Variants in PPP1R9A observed in about 807,000 individuals in gnomAD.
The protein encoded by PPP1R9A is neurabin-1.
A neutral mutation model predicts 141.9 loss-of-function variants in PPP1R9A; 59 were observed. The ratio of observed to expected loss-of-function variants is 0.42; its 90% CI spans 0.34 to 0.52. The LOEUF is 0.52. PPP1R9A is among the 20% of genes least tolerant of loss of function. The probability of loss-of-function intolerance (pLI) is 0.10; values close to 1 mark genes in which losing one functional copy is unlikely to be tolerated. For missense variants in PPP1R9A, 1,444 were observed against 1,611.9 expected (o/e 0.90, Z 1.78); for synonymous variants, 500 against 569.7 (o/e 0.88, Z 1.74).
intron 2 of PPP1R9A, among the ~76,000 whole-genome samples, chr7:95,098,717 C>A (rs1269791505): frequency 6.6e-6 from 1 of 152,114 alleles, no homozygotes; most frequent in African/African-American, 2.4e-5. Context: ...AAGTTCCTTT[C>A]AAGGCTGTTT....
chr7:95,287,858 T>G (rs535153927), intron 18 of PPP1R9A, among the ~76,000 whole-genome samples: 1 of 152,248 alleles, frequency 6.6e-6, no homozygotes, highest in East Asian at 1.9e-4. Context: ...TGGCTAATTT[T>G]TGTATTTTTA....
chr7:94,973,675 GA>G (rs907417974), intron 2 of PPP1R9A, among the ~76,000 whole-genome samples: 1 of 151,458 alleles, frequency 6.6e-6, no homozygotes, highest in African/African-American at 2.4e-5. Flanking sequence ...ATAGAACAGA[GA>G]AAACAAAAGT....
At chr7:95,169,202 T>G (rs921878894) in intron 5 of PPP1R9A, among the ~76,000 whole-genome samples, 2 of 151,892 alleles carry the variant, frequency 1.3e-5, no homozygotes, top group African/African-American at 4.8e-5. Flanking sequence ...AATACTATTT[T>G]GCCATAAAAA....
intron 2 of PPP1R9A, among the ~76,000 whole-genome samples, chr7:94,971,583 T>C (rs1798866253): frequency 6.6e-6 from 1 of 152,212 alleles, no homozygotes; most frequent in African/African-American, 2.4e-5. Flanking sequence ...ATTCTTTTTG[T>C]TGCTAGCAGG....
chr7:94,911,351 A>G lies in PPP1R9A; in HGVS notation c.1238A>G (p.Asp413Gly), dbSNP rs749834708. Residue 413 changes from aspartate (D) to glycine (G), a missense_variant, in exon 2 of 20, where the codon GAC (aspartate) becomes GGC (glycine). Asp to Gly is a moderately conservative substitution (Grantham distance 94). This residue lies in a region of PPP1R9A where 490 missense variants were observed against 521.1 expected (regional missense o/e 0.94). Coordinates refer to ENST00000433360, the MANE Select transcript of PPP1R9A (RefSeq NM_001166160.2). ...AGGGTGAGATCCAGGTATAATTCAGACTGGGGAGAGACAGGCACTGAGCAG... is the reference window on the plus strand; with the variant it reads ...AGGGTGAGATCCAGGTATAATTCAGGCTGGGGAGAGACAGGCACTGAGCAG... ...VYRVRSRYNS[D>G]WGETGTEQDE... 3.7e-6 allele frequency: 6 copies of G among 1,613,984 alleles called. No individual in the cohort carries two copies. In the African/African-American group the frequency reaches 8.0e-5, roughly 22 times the overall value.
At chr7:95,022,284 A>G (rs1243802341) in intron 2 of PPP1R9A, among the ~76,000 whole-genome samples, 1 of 151,980 alleles carries the variant, frequency 6.6e-6, no homozygotes, top group Non-Finnish European at 1.5e-5. Flanking sequence ...TCTATTATTG[A>G]TGTATAGGAA....
chr7:94,941,360 A>G (rs1795318449), intron 2 of PPP1R9A, among the ~76,000 whole-genome samples: 1 of 152,174 alleles, frequency 6.6e-6, no homozygotes, highest in Non-Finnish European at 1.5e-5. Flanking sequence ...TTGTATCTTT[A>G]CATGCATCTT....
chr7:95,093,380 A>G (rs1047426251), intron 2 of PPP1R9A, among the ~76,000 whole-genome samples: 2 of 152,216 alleles, frequency 1.3e-5, no homozygotes, highest in African/African-American at 4.8e-5. Flanking sequence ...CAATTGAAAT[A>G]CTTGTAAGCA....
chr7:95,290,368 C>G lies in PPP1R9A; in HGVS notation c.*65C>G. The G allele has an allele frequency of 1.3e-6, 2 of 1,492,122 alleles. No individual in the cohort carries two copies. The highest frequency in any genetic ancestry group is 1.3e-5 in the South Asian group (1 of 79,532). The allele number at this position is 1,492,122 out of a possible 1,614,324, so 92.4% of individuals were successfully genotyped here. A position where few individuals can be genotyped will look rare whatever the true frequency, so the allele number is the denominator to read the frequency against. On this transcript the variant is annotated 3_prime_UTR_variant, in exon 20 of 20. Coordinates refer to ENST00000433360, the MANE Select transcript of PPP1R9A (RefSeq NM_001166160.2). ...AGTCCCCACCTCTTCCTGCCCTGCT[C>G]TCCTCCAGAGGATGAAAAAGAAACT...
intron 5 of PPP1R9A, among the ~76,000 whole-genome samples, chr7:95,195,133 C>T (rs577123914): frequency 6.6e-6 from 1 of 152,172 alleles, no homozygotes; most frequent in Non-Finnish European, 1.5e-5. Context: ...CCACCCTTAC[C>T]ACACATCATA....
At chr7:95,151,557 A>G (rs1375087693) in intron 4 of PPP1R9A, among the ~76,000 whole-genome samples, 3 of 152,196 alleles carry the variant, frequency 2.0e-5, no homozygotes, top group Non-Finnish European at 2.9e-5. Flanking sequence ...CATGTCATCC[A>G]TCATACATTT....
intron 4 of PPP1R9A, among the ~76,000 whole-genome samples, chr7:95,139,438 A>T (rs759701934): frequency 2.6e-5 from 4 of 152,160 alleles, no homozygotes; most frequent in Non-Finnish European, 4.4e-5. Context: ...TAGGGTGGGG[A>T]CACAAAGCCA....
chr7:95,031,303 A>G (rs1271439309), intron 2 of PPP1R9A, among the ~76,000 whole-genome samples: 1 of 152,186 alleles, frequency 6.6e-6, no homozygotes, highest in East Asian at 1.9e-4. Flanking sequence ...CATTTTTAGG[A>G]AGGTATACAG....
In PPP1R9A at chr7:94,910,275, C is replaced by T. The variant is rs1417428472; in HGVS notation, c.162C>T (p.Ser54=). The stretch of plus-strand genomic sequence containing the variant: ...AAGAAGGTGAGGGCTCCCAGCAGAG[C>T]AGGGGGAGGAAATATGGCTCCAATG... ...KTKEGEGSQQ[S]RGRKYGSNVN... The change falls in exon 2 of 20, where the codon AGC becomes AGT. Residue 54 remains serine (S), a synonymous_variant. Coordinates refer to ENST00000433360, the MANE Select transcript of PPP1R9A (RefSeq NM_001166160.2). This position sits in a 1 kb window ranked among gnomAD's most constrained non-coding sequence, Gnocchi z 4.5. 6.2e-7 allele frequency: 1 copy of T among 1,613,992 alleles called. No homozygotes were observed. Among genetic ancestry groups the T allele is most frequent in the East Asian group, 2.2e-5 (1 of 44,870 alleles).
Position 95,293,224 on chromosome 7 carries a change from TA to T in PPP1R9A, c.*2923del, listed in dbSNP as rs1215479876. 1 of 152,190 alleles carries T rather than the reference TA, an allele frequency of 6.6e-6. No homozygotes were observed. Among genetic ancestry groups the T allele is most frequent in the African/African-American group, 2.4e-5 (1 of 41,450 alleles). 9.4% of individuals were successfully genotyped at this position (152,190 alleles called of 1,614,324 possible). A position where few individuals can be genotyped will look rare whatever the true frequency, so the allele number is the denominator to read the frequency against. ...TTCCCATTAAAGGATGTTAGTTTTA[TA>T]ACAGATTACTTTGTTTAAGACCATC... On this transcript the variant is annotated 3_prime_UTR_variant, in exon 20 of 20. Coordinates refer to ENST00000433360, the MANE Select transcript of PPP1R9A (RefSeq NM_001166160.2).
At chr7:94,984,716 C>T (rs1264368502) in intron 2 of PPP1R9A, among the ~76,000 whole-genome samples, 1 of 151,824 alleles carries the variant, frequency 6.6e-6, no homozygotes, top group Non-Finnish European at 1.5e-5. Context: ...TTTGATTCTT[C>T]TCTCTTTCCT....
intron 2 of PPP1R9A, among the ~76,000 whole-genome samples, chr7:94,983,073 G>A (rs189591901): frequency 6.6e-6 from 1 of 152,104 alleles, no homozygotes; most frequent in East Asian, 1.9e-4. Context: ...TATTAAATAG[G>A]GAATTCCTAT....
At chr7:95,086,334 G>T (rs536531097) in intron 2 of PPP1R9A, among the ~76,000 whole-genome samples, 1 of 152,064 alleles carries the variant, frequency 6.6e-6, no homozygotes, top group Admixed American at 6.5e-5. Flanking sequence ...TCAAAACAGG[G>T]TGATTGTGTC....
Position 94,922,588 on chromosome 7 carries a change from G to A in PPP1R9A, c.1395+11080G>A, listed in dbSNP as rs543799140. On this transcript the variant is annotated intron_variant, in intron 2 of 19. Transcript: ENST00000433360. ...AATAGGATAAAGCTGTATTACTCAT[G>A]TTTTCTAAGATTACTTAAAGATGTA... is the stretch of plus-strand genomic sequence containing the variant. 2.6e-5 allele frequency among the ~76,000 whole-genome samples: 4 copies of A among 152,224 alleles called. No individual in the cohort carries two copies. The East Asian group carries it at 7.7e-4, about 29-fold the overall frequency.
Sources: gnomAD v4.1 joint callset for allele counts (sites outside exome capture counted in the v4.1 genomes callset) on GRCh38, gnomAD v4.1.1 for gene constraint, gnomAD v4.1.1 regional missense constraint, Gnocchi (gnomAD v3.1) non-coding constraint, MANE v1.5 for transcripts, NCBI Gene and HGNC (gene_info 2026-07-23, HGNC 2026-07-21) for gene names.